STK38L: variants seen among roughly 807,000 people sequenced by gnomAD.
The protein encoded by STK38L is serine/threonine kinase 38 like.
In STK38L, 28 loss-of-function variants were observed where a neutral mutation model predicts 59.7. The observed-to-expected ratio is 0.47, with a 90% CI of 0.35 to 0.64. The LOEUF (loss-of-function observed/expected upper bound fraction) is 0.64, where lower values mean the gene tolerates loss of function less well. STK38L is among the 30% of genes least tolerant of loss of function. The pLI is 0.01. For missense variants in STK38L, 314 were observed against 555.8 expected, an observed-to-expected ratio of 0.56 and a Z score of 4.37; for synonymous variants, 162 against 176.8, an observed-to-expected ratio of 0.92 and a Z score of 0.66.
At chr12:27,267,546 T>C (rs1411437286) in intron 1 of STK38L, among the ~76,000 whole-genome samples, 2 of 152,246 alleles carry the variant, frequency 1.3e-5, no homozygotes, top group South Asian at 2.1e-4. Flanking sequence ...TAGTGAACAT[T>C]GTTATGATGC....
At chr12:27,297,666 GT>G (rs570743044) in intron 1 of STK38L, 43 bp from the exon 2 acceptor site, 32 of 1,560,444 alleles carry the variant, frequency 2.1e-5, no homozygotes, top group African/African-American at 1.1e-4. Flanking sequence ...AAAGATAGGG[GT>G]TTTTTTTCCC....
intron 1 of STK38L, among the ~76,000 whole-genome samples, chr12:27,248,442 T>TAAAC (rs1942903292): frequency 6.6e-6 from 1 of 152,246 alleles, no homozygotes; most frequent in Non-Finnish European, 1.5e-5. Context: ...GTTTCAGGAA[T>TAAAC]AGTCCACATT....
rs1172183828 is a variant in STK38L, at chr12:27,312,535, A to C, written c.394-14A>C. ...GTATTTACAATTATTTTTTTCAAAA[A>C]TATATTCATCTAGGTGGCCCATATC... On this transcript the variant is annotated splice_polypyrimidine_tract_variant and intron_variant, in intron 5 of 13. Coordinates refer to ENST00000389032, the MANE Select transcript of STK38L (RefSeq NM_015000.4). The C allele has an allele frequency of 1.9e-6, 3 of 1,608,878 alleles. No individual in the cohort carries two copies. Among genetic ancestry groups the C allele is most frequent in the Non-Finnish European group, 2.5e-6 (3 of 1,178,728 alleles).
In STK38L at chr12:27,308,576, A is replaced by G. The variant is rs1046540623; in HGVS notation, c.309+115A>G. On this transcript the variant is annotated intron_variant, in intron 4 of 13. Transcript: ENST00000389032. This position sits in a 1 kb window ranked among gnomAD's most constrained non-coding sequence, Gnocchi z 4.5. ...GCGGTGGCTCACGCCTGTAATCCCA[A>G]TACTTTGGGAGGCCGAGGCGGGTGG... is the stretch of plus-strand genomic sequence containing the variant. 95 of 1,133,952 alleles carry G rather than the reference A, an allele frequency of 8.4e-5. No individual in the cohort carries two copies. In the Middle Eastern group the frequency reaches 2.2e-3, roughly 26 times the overall value. The allele number at this position is 1,133,952 out of a possible 1,614,324, so 70.2% of individuals were successfully genotyped here.
intron 1 of STK38L, among the ~76,000 whole-genome samples, chr12:27,294,398 T>G (rs1039464346): frequency 6.6e-6 from 1 of 151,226 alleles, no homozygotes. Flanking sequence ...TCTCAGCTAC[T>G]CGGGAGGCTG....
At chr12:27,281,601 C>T (rs1349542021) in intron 1 of STK38L, among the ~76,000 whole-genome samples, 2 of 152,102 alleles carry the variant, frequency 1.3e-5, no homozygotes, top group African/African-American at 4.8e-5. Context: ...TAAGATAATG[C>T]ACACAGTACT....
intron 1 of STK38L, among the ~76,000 whole-genome samples, chr12:27,250,004 A>T (rs1329129196): frequency 6.6e-6 from 1 of 152,222 alleles, no homozygotes; most frequent in African/African-American, 2.4e-5. Context: ...AATCAGCTAC[A>T]GATACACCCA....
rs905244457 is a variant in STK38L at position 27,324,875 on chromosome 12, G to T, written c.*2420G>T. ...CTATTATATATTTCCCATATTTCAG[G>T]TGAATAATTTAATTTAAATGACAAA... On this transcript the variant is annotated 3_prime_UTR_variant, in exon 14 of 14. Coordinates refer to ENST00000389032, the MANE Select transcript of STK38L (RefSeq NM_015000.4). The T allele has an allele frequency of 2.6e-5, 4 of 151,994 alleles. No individual in the cohort carries two copies. Among genetic ancestry groups the T allele is most frequent in the African/African-American group, 9.7e-5 (4 of 41,410 alleles). The allele number at this position is 151,994 out of a possible 1,614,324, so 9.4% of individuals were successfully genotyped here. A position where few individuals can be genotyped will look rare whatever the true frequency, so the allele number is the denominator to read the frequency against.
chr12:27,286,745 C>T (rs1943781564), intron 1 of STK38L, among the ~76,000 whole-genome samples: 1 of 152,146 alleles, frequency 6.6e-6, no homozygotes, highest in Non-Finnish European at 1.5e-5. Context: ...GTATAAATTA[C>T]CGTATTCCCT....
intron 1 of STK38L, among the ~76,000 whole-genome samples, chr12:27,271,892 G>T (rs1250950651): frequency 1.3e-5 from 2 of 152,218 alleles, no homozygotes; most frequent in Middle Eastern, 3.4e-3. Flanking sequence ...TAGAGACAGG[G>T]TTTCACCATG....
At chr12:27,317,825 A>G (rs1298801932) in intron 10 of STK38L, 71 bp from the exon 11 acceptor site, 2 of 1,575,888 alleles carry the variant, frequency 1.3e-6, no homozygotes, top group Non-Finnish European at 1.7e-6. Flanking sequence ...TTCTTGTCGC[A>G]CATGTTTGGT....
chr12:27,264,448 C>T (rs1205900326), intron 1 of STK38L, among the ~76,000 whole-genome samples: 1 of 152,128 alleles, frequency 6.6e-6, no homozygotes, highest in African/African-American at 2.4e-5. Flanking sequence ...TTGCCATGGA[C>T]AGCAATGGGG....
intron 1 of STK38L, among the ~76,000 whole-genome samples, chr12:27,286,100 G>A: frequency 6.6e-6 from 1 of 151,964 alleles, no homozygotes; most frequent in Admixed American, 6.6e-5. Context: ...CTTTAGTTTT[G>A]TTCCATGACA....
At chr12:27,295,542 G>T (rs77977830) in intron 1 of STK38L, among the ~76,000 whole-genome samples, 1 of 151,824 alleles carries the variant, frequency 6.6e-6, no homozygotes, top group African/African-American at 2.4e-5. Flanking sequence ...CTGTTACTGC[G>T]CCCCCTCCCT....
intron 13 of STK38L, 30 bp downstream of exon 13, chr12:27,322,264 A>G (rs1330592680): frequency 6.2e-7 from 1 of 1,613,118 alleles, no homozygotes; most frequent in African/African-American, 1.3e-5. Flanking sequence ...AACTAACCCT[A>G]TTAAAAGTCT....
At chr12:27,270,347 A>G (rs1368143657) in intron 1 of STK38L, among the ~76,000 whole-genome samples, 2 of 152,044 alleles carry the variant, frequency 1.3e-5, no homozygotes, top group African/African-American at 2.4e-5. Flanking sequence ...AGCTGGGTCT[A>G]CCAGTGTGCC....
intron 1 of STK38L, among the ~76,000 whole-genome samples, chr12:27,271,534 TG>T (rs1306748752): frequency 6.6e-6 from 1 of 152,170 alleles, no homozygotes; most frequent in Admixed American, 6.5e-5. Context: ...TGCAGATGTT[TG>T]GGGGGTAGTT....
intron 1 of STK38L, among the ~76,000 whole-genome samples, chr12:27,268,018 G>A (rs1052562429): frequency 1.3e-5 from 2 of 152,142 alleles, no homozygotes; most frequent in African/African-American, 4.8e-5. Flanking sequence ...AACTTTGTAA[G>A]AATAGCTATC....
chr12:27,281,081 T>G (rs983751802), intron 1 of STK38L, among the ~76,000 whole-genome samples: 1 of 2,124 alleles, frequency 4.7e-4, no homozygotes, highest in Non-Finnish European at 1.5e-3. Context: ...TTTTTTTTTT[T>G]TTTTTTTTTT....
Sources: gnomAD v4.1 joint callset for allele counts (sites outside exome capture counted in the v4.1 genomes callset) on GRCh38, gnomAD v4.1.1 for gene constraint, Gnocchi (gnomAD v3.1) non-coding constraint, MANE v1.5 for transcripts, NCBI Gene and HGNC (gene_info 2026-07-23, HGNC 2026-07-21) for gene names.